ACMSD: variants seen among roughly 807,000 people sequenced by gnomAD.
ACMSD encodes 2-amino-3-carboxymuconate-6-semialdehyde decarboxylase.
A neutral mutation model predicts 45.9 loss-of-function variants in ACMSD; 37 were observed. That is an observed-to-expected ratio of 0.81 (90% CI 0.62 to 1.06). ACMSD has a LOEUF of 1.06. ACMSD is among the 50% of genes least tolerant of loss of function. The probability of loss-of-function intolerance (pLI) is 0.00; values close to 1 mark genes in which losing one functional copy is unlikely to be tolerated. For synonymous variants in ACMSD, 138 were observed against 148.8 expected (o/e 0.93, Z 0.53); for missense variants, 434 against 420.9 (o/e 1.03, Z -0.27).
intron 3 of ACMSD, 135 bp from the exon 4 acceptor site, chr2:134,861,834 G>A (rs1687863621): frequency 1.1e-6 from 1 of 879,838 alleles, no homozygotes; most frequent in Non-Finnish European, 1.9e-6. Flanking sequence ...TCCAGGGAGA[G>A]GACTGAGAGG....
At chr2:134,867,134 C>T (rs1281360335) in intron 5 of ACMSD, among the ~76,000 whole-genome samples, 2 of 152,234 alleles carry the variant, frequency 1.3e-5, no homozygotes, top group African/African-American at 4.8e-5. Context: ...AGGGGGCACT[C>T]TCGCCCTGAC....
At chr2:134,853,167 TAAAAAAAA>T (rs201350282) in intron 2 of ACMSD, among the ~76,000 whole-genome samples, 2,752 of 106,528 alleles carry the variant, frequency 0.026, 113 homozygotes, top group East Asian at 0.16. Context: ...CATCTCAATC[TAAAAAAAA>T]AAAAAAAAAA....
At chr2:134,885,897 G>A (rs1318396384) in intron 8 of ACMSD, among the ~76,000 whole-genome samples, 6 of 152,130 alleles carry the variant, frequency 3.9e-5, no homozygotes, top group Admixed American at 3.3e-4. Context: ...AGGAAAAGCA[G>A]CTAGTCACAT....
At chr2:134,900,073 T>G (rs1412951610) in intron 9 of ACMSD, among the ~76,000 whole-genome samples, 1 of 152,072 alleles carries the variant, frequency 6.6e-6, no homozygotes, top group African/African-American at 2.4e-5. Context: ...CATGCGAAGG[T>G]AAATACCACT....
chr2:134,867,425 T>C (rs1688152545), intron 5 of ACMSD, 154 bp from the exon 6 acceptor site: 2 of 544,776 alleles, frequency 3.7e-6, no homozygotes, highest in African/African-American at 1.9e-5. Flanking sequence ...TCAATATCTC[T>C]TCTATATAGA....
chr2:134,891,678 C>T (rs1384672594), intron 8 of ACMSD, among the ~76,000 whole-genome samples: 1 of 152,062 alleles, frequency 6.6e-6, no homozygotes, highest in African/African-American at 2.4e-5. Context: ...ATTGAAATTT[C>T]ACAAAGAACT....
At chr2:134,878,181 T>C (rs540721655) in intron 8 of ACMSD, among the ~76,000 whole-genome samples, 2 of 152,202 alleles carry the variant, frequency 1.3e-5, no homozygotes, top group South Asian at 2.1e-4. Context: ...ATAGGATACT[T>C]GCTATCCTTT....
intron 8 of ACMSD, among the ~76,000 whole-genome samples, chr2:134,885,319 A>AATATATATGTAAATATATATATAT (rs1689310269): frequency 3.9e-5 from 4 of 103,144 alleles, no homozygotes; most frequent in African/African-American, 1.7e-4. Context: ...ATATATATAT[A>AATATATATGTAAATATATATATAT]AATATATATG....
In ACMSD at chr2:134,867,568, C is replaced by T. The variant is rs1688162972; in HGVS notation, c.487-11C>T. On this transcript the variant is annotated splice_polypyrimidine_tract_variant and intron_variant, in intron 5 of 9. Coordinates refer to ENST00000356140, the MANE Select transcript of ACMSD (RefSeq NM_138326.3). ...GTAACCCTCTCTCTCTCTCTCATTG[C>T]TTCTTTGAAGGCAGCCGAAAGGCTG... 1 of 1,610,224 alleles carries T rather than the reference C, an allele frequency of 6.2e-7. No homozygotes were observed.
intron 8 of ACMSD, among the ~76,000 whole-genome samples, chr2:134,881,224 C>A (rs1399284219): frequency 2.6e-5 from 4 of 152,246 alleles, no homozygotes; most frequent in African/African-American, 7.2e-5. Flanking sequence ...TGGTCTCAAA[C>A]TCCTGACCTC....
intron 2 of ACMSD, among the ~76,000 whole-genome samples, chr2:134,851,925 C>T (rs1374766415): frequency 6.6e-6 from 1 of 152,040 alleles, no homozygotes; most frequent in African/African-American, 2.4e-5. Context: ...AAAATTAATT[C>T]CTATTAACAG....
intron 8 of ACMSD, among the ~76,000 whole-genome samples, chr2:134,895,680 G>A (rs2104962648): frequency 6.6e-6 from 1 of 152,168 alleles, no homozygotes; most frequent in Middle Eastern, 3.4e-3. Flanking sequence ...GGCCAACATG[G>A]CAAAACCCTG....
intron 8 of ACMSD, among the ~76,000 whole-genome samples, chr2:134,882,245 C>T (rs2104916546): frequency 6.6e-6 from 1 of 152,284 alleles, no homozygotes; most frequent in East Asian, 1.9e-4. Context: ...TACTGGAATC[C>T]TCAATAGAGT....
At chr2:134,886,246 A>ATTATTATTATTAT in intron 8 of ACMSD, among the ~76,000 whole-genome samples, 4 of 115,476 alleles carry the variant, frequency 3.5e-5, no homozygotes, top group Middle Eastern at 4.0e-3. Context: ...TATTATTATT[A>ATTATTATTATTAT]TTTTTTTTTT....
intron 5 of ACMSD, among the ~76,000 whole-genome samples, chr2:134,866,247 C>A (rs553026111): frequency 2.0e-5 from 3 of 151,998 alleles, no homozygotes; most frequent in African/African-American, 2.4e-5. Context: ...ATATAACCAA[C>A]CTGCACATGT....
rs1690508518 is a variant in ACMSD, at chr2:134,901,665, G to T, written c.949-133G>T. On this transcript the variant is annotated intron_variant, in intron 9 of 9. Transcript: ENST00000356140. Reference sequence around the variant, plus strand: ...ATAGGTCAAGAGGATTTTGGTAAGAGATTCACTGTATAACCTGCTAGTATT... The same window carrying T: ...ATAGGTCAAGAGGATTTTGGTAAGATATTCACTGTATAACCTGCTAGTATT... 5 of 494,740 alleles carry T rather than the reference G, an allele frequency of 1.0e-5. No homozygotes were observed. In the South Asian group the frequency reaches 2.4e-4, roughly 24 times the overall value. The allele number at this position is 494,740 out of a possible 1,614,324, so 30.6% of individuals were successfully genotyped here. A position where few individuals can be genotyped will look rare whatever the true frequency, so the allele number is the denominator to read the frequency against.
At chr2:134,883,455 A>G (rs1019140979) in intron 8 of ACMSD, among the ~76,000 whole-genome samples, 1 of 152,218 alleles carries the variant, frequency 6.6e-6, no homozygotes, top group Non-Finnish European at 1.5e-5. Flanking sequence ...CATTTAAAAC[A>G]TAATCAATTT....
At chr2:134,880,710 C>T (rs1044339684) in intron 8 of ACMSD, among the ~76,000 whole-genome samples, 5 of 151,836 alleles carry the variant, frequency 3.3e-5, no homozygotes, top group Non-Finnish European at 7.4e-5. Context: ...CTCCAGGTGG[C>T]TTTTTTGTCT....
intron 8 of ACMSD, among the ~76,000 whole-genome samples, chr2:134,887,389 A>C (rs1689523125): frequency 6.6e-6 from 1 of 152,210 alleles, no homozygotes; most frequent in Non-Finnish European, 1.5e-5. Context: ...AAGAATCCAG[A>C]TATATATCCA....
Sources: gnomAD v4.1 joint callset for allele counts (sites outside exome capture counted in the v4.1 genomes callset) on GRCh38, gnomAD v4.1.1 for gene constraint, MANE v1.5 for transcripts, NCBI Gene and HGNC (gene_info 2026-07-23, HGNC 2026-07-21) for gene names.